Variants in SHANK1 observed in about 807,000 individuals in gnomAD.
The protein encoded by SHANK1 is SH3 and multiple ankyrin repeat domains 1, also known as SH3 and multiple ankyrin repeat domains protein 1.
In SHANK1, 35 loss-of-function variants were observed where a neutral mutation model predicts 165.6. That is an observed-to-expected ratio of 0.21 (90% CI 0.16 to 0.28). The LOEUF (loss-of-function observed/expected upper bound fraction) is 0.28, where lower values mean the gene tolerates loss of function less well. Ranked by LOEUF, SHANK1 falls within the 10% of genes least tolerant of loss-of-function variation. The pLI, the probability that SHANK1 is intolerant of heterozygous loss-of-function variation, is 1.00. For synonymous variants in SHANK1, 1,428 were observed against 1,384.8 expected (o/e 1.03, Z -0.69); for missense variants, 2,681 against 3,036.4 (o/e 0.88, Z 2.75).
At chr19:50,696,742 A>G (rs1239939475) in intron 15 of SHANK1, among the ~76,000 whole-genome samples, 1 of 151,954 alleles carries the variant, frequency 6.6e-6, no homozygotes, top group East Asian at 1.9e-4. Flanking sequence ...ACAGAGAGGG[A>G]CGGATGTGTG....
rs367726388 is a variant in SHANK1 at position 50,681,244 on chromosome 19, C to T, written c.2577+4993G>A. Among the ~76,000 whole-genome samples the T allele has an allele frequency of 2.6e-5, 4 of 152,066 alleles. No individual in the cohort carries two copies. In the East Asian group the frequency reaches 7.7e-4, roughly 29 times the overall value. On this transcript the variant is annotated intron_variant, in intron 21 of 23. Coordinates refer to ENST00000293441, the MANE Select transcript of SHANK1 (RefSeq NM_016148.5). ...AGGTGGGAAGGAGCAGAGAAGGCGG[C>T]AGAGAGAGCCTCCGACATGAGAGGG...
chr19:50,667,298 C>T lies in SHANK1; in HGVS notation c.4662G>A (p.Val1554=). 6.3e-7 allele frequency: 1 copy of T among 1,594,400 alleles called. No homozygotes were observed. The highest frequency in any genetic ancestry group is 8.5e-7 in the Non-Finnish European group (1 of 1,177,070). ...LLVLPPPAPS[V]DVEDGEFLFV... is the part of the protein sequence containing the mutation. ...AAAGGAATTCGCCATCTTCCACATC[C>T]ACCGAGGGGGCGGGAGGCGGCAGGA... Residue 1554 remains valine, a synonymous_variant, in exon 23 of 24, where the codon GTG becomes GTA. Transcript: ENST00000293441. This position sits in a 1 kb window ranked among gnomAD's most constrained non-coding sequence, Gnocchi z 5.7.
In SHANK1 at chr19:50,686,497, G is replaced by C. The variant is rs1241036745; in HGVS notation, c.2459-142C>G. ...AAAGGGCAGCCCTGCCTGGGTCCGG[G>C]TGGACGGGCAGTCCCGCTTGGAGAC... On this transcript the variant is annotated intron_variant, in intron 20 of 23. Coordinates refer to ENST00000293441, the MANE Select transcript of SHANK1 (RefSeq NM_016148.5). This position sits in a 1 kb window ranked among gnomAD's most constrained non-coding sequence, Gnocchi z 5.7. 4.1e-6 allele frequency: 3 copies of C among 740,108 alleles called. No individual in the cohort carries two copies. In the African/African-American group the frequency reaches 5.3e-5, roughly 13 times the overall value. 45.8% of individuals were successfully genotyped at this position (740,108 alleles called of 1,614,324 possible).
intron 21 of SHANK1, among the ~76,000 whole-genome samples, chr19:50,678,247 A>C (rs1243911541): frequency 2.0e-5 from 3 of 152,144 alleles, no homozygotes; most frequent in Non-Finnish European, 2.9e-5. Context: ...CCCTGAGATA[A>C]AATGGGAGGG....
At position 50,686,793 on chromosome 19, in the gene SHANK1, C is replaced by T. The variant is rs148016680; in HGVS notation, c.2409G>A (p.Ala803=). Residue 803 remains alanine, a synonymous_variant, in exon 20 of 24, where the codon GCG becomes GCA. Coordinates refer to ENST00000293441, the MANE Select transcript of SHANK1 (RefSeq NM_016148.5). The surrounding 1 kb of genome is among the most constrained non-coding windows in gnomAD (Gnocchi z 5.7). The part of the protein sequence containing the change: ...LEEMEYEQQP[A]PVPSMEKKRT... ...GCTTTTTCTCCATGCTGGGCACCGGCGCCGGCTGCTGCTCGTACTCTGTGG... is the reference window on the plus strand; with the variant it reads ...GCTTTTTCTCCATGCTGGGCACCGGTGCCGGCTGCTGCTCGTACTCTGTGG... 77 of 1,613,778 alleles carry T rather than the reference C, an allele frequency of 4.8e-5. No homozygotes were observed. The African/African-American group carries it at 8.5e-4, about 18-fold the overall frequency.
At chr19:50,692,489 G>A (rs1411489882) in intron 15 of SHANK1, among the ~76,000 whole-genome samples, 1 of 130,682 alleles carries the variant, frequency 7.7e-6, no homozygotes, top group East Asian at 2.1e-4. Flanking sequence ...ACACACCAGT[G>A]GTGATCTGAG....
chr19:50,679,819 C>T (rs1283280376), intron 21 of SHANK1, among the ~76,000 whole-genome samples: 1 of 148,474 alleles, frequency 6.7e-6, no homozygotes, highest in South Asian at 2.2e-4. Context: ...CAGAGACAGA[C>T]GTAGAGAGAC....
rs1985306838 is a variant in SHANK1 at position 50,662,640 on chromosome 19, G to C, written c.5811C>G (p.Val1937=). 2 of 1,565,126 alleles carry C rather than the reference G, an allele frequency of 1.3e-6. No homozygotes were observed. Residue 1937 remains valine, a synonymous_variant, in exon 24 of 24, where the codon GTC becomes GTG. Coordinates refer to ENST00000293441, the MANE Select transcript of SHANK1 (RefSeq NM_016148.5). The surrounding 1 kb of genome is among the most constrained non-coding windows in gnomAD (Gnocchi z 7.7). The stretch of plus-strand genomic sequence containing the variant: ...TGGGCCAGTTCTGAAACAGGCTGCT[G>C]ACAGGCTTGGAGAGGAGTGAGGACT... ...DSQSSLLSKP[V]SSLFQNWPKP...
At chr19:50,674,095 A>ATTT (rs35496340) in intron 21 of SHANK1, among the ~76,000 whole-genome samples, 2 of 143,772 alleles carry the variant, frequency 1.4e-5, no homozygotes, top group Non-Finnish European at 3.0e-5. Context: ...GTGTTGGCCT[A>ATTT]TTTTTTTTTT....
chr19:50,715,971 C>A (rs377227057), intron 3 of SHANK1, among the ~76,000 whole-genome samples: 3 of 152,252 alleles, frequency 2.0e-5, no homozygotes, highest in East Asian at 3.9e-4. Flanking sequence ...GAGGAGGAGT[C>A]TGGACCCCAC....
At chr19:50,691,867 A>G (rs1196472055) in intron 15 of SHANK1, among the ~76,000 whole-genome samples, 1 of 151,710 alleles carries the variant, frequency 6.6e-6, no homozygotes, top group Non-Finnish European at 1.5e-5. Flanking sequence ...TTTTTTTGGT[A>G]GAGATGGGGG....
rs1376105215 is a variant in SHANK1 at position 50,719,180 on chromosome 19, GC to G, written c.-44+225del. Reference sequence around the variant, plus strand: ...GGGCTCTGCTGGCCGGGGGTGGGGGGCGCGCCCTCCCATCAAGGATGCGATC... The same window carrying G: ...GGGCTCTGCTGGCCGGGGGTGGGGGGGCGCCCTCCCATCAAGGATGCGATC... On this transcript the variant is annotated intron_variant, in intron 1 of 23. Transcript: ENST00000293441. Among the ~76,000 whole-genome samples, 134 of 151,166 alleles carry G rather than the reference GC, an allele frequency of 8.9e-4. 1 individual carries two copies. Among genetic ancestry groups the G allele is most frequent in the Non-Finnish European group, 1.6e-3 (111 of 67,636 alleles).
chr19:50,666,747 C>G lies in SHANK1; in HGVS notation c.5213G>C (p.Gly1738Ala), dbSNP rs1273987625. Reference sequence around the variant, plus strand: ...TGGCGGGCCGGGAGTACTGCTGCCCCCAAAGGCCTGGCCGTCCAGGTAGGC... The same window carrying G: ...TGGCGGGCCGGGAGTACTGCTGCCCGCAAAGGCCTGGCCGTCCAGGTAGGC... ...YVAYLDGQAF[G>A]GSSTPGPPYP... The change falls in exon 23 of 24, where the codon GGG (glycine) becomes GCG (alanine). Residue 1738 changes from glycine (G) to alanine (A), a missense_variant. Coordinates refer to ENST00000293441, the MANE Select transcript of SHANK1 (RefSeq NM_016148.5). The G allele has an allele frequency of 4.5e-6, 7 of 1,562,160 alleles. No homozygotes were observed. The Admixed American group carries it at 5.8e-5, about 13-fold the overall frequency.
In SHANK1 at chr19:50,703,692, G is replaced by C. The variant is rs747222883; in HGVS notation, c.1361C>G (p.Pro454Arg). The C allele has an allele frequency of 2.0e-6, 3 of 1,466,464 alleles. No individual in the cohort carries two copies. Among genetic ancestry groups the C allele is most frequent in the Non-Finnish European group, 1.8e-6 (2 of 1,111,390 alleles). The allele number at this position is 1,466,464 out of a possible 1,614,324, so 90.8% of individuals were successfully genotyped here. A position where few individuals can be genotyped will look rare whatever the true frequency, so the allele number is the denominator to read the frequency against. Residue 454 changes from proline (P) to arginine (R), a missense_variant, in exon 11 of 24, where the codon CCG (proline) becomes CGG (arginine). Physicochemically the swap from Pro to Arg is moderately radical, Grantham distance 103. Transcript: ENST00000293441. ...ALPDWMVFSAPGAASSGAPGP... is the reference protein window; with the variant it reads ...ALPDWMVFSARGAASSGAPGP... Reference sequence around the variant, plus strand: ...AGGGGCCCCAGAGGACGCGGCCCCCGGGGCGGAGAACACCATCCAGTCGGG... The same window carrying C: ...AGGGGCCCCAGAGGACGCGGCCCCCCGGGCGGAGAACACCATCCAGTCGGG...
At position 50,661,552 on chromosome 19, in the gene SHANK1, T is replaced by TA. The variant is rs919587013; in HGVS notation, c.*412dup. Reference sequence around the variant, plus strand: ...GCCTGGAGAGAGTGGGAAGGGTTGTTAGAGGGGTGGCAGGTGGTGGAATCC... The same window carrying TA: ...GCCTGGAGAGAGTGGGAAGGGTTGTTAAGAGGGGTGGCAGGTGGTGGAATCC... On this transcript the variant is annotated 3_prime_UTR_variant, in exon 24 of 24. Transcript: ENST00000293441. 1.9e-4 allele frequency among the ~76,000 whole-genome samples: 29 copies of TA among 151,560 alleles called. No individual in the cohort carries two copies. The highest frequency in any genetic ancestry group is 5.2e-4 in the Admixed American group (8 of 15,248).
chr19:50,706,969 G>C (rs544584476), intron 8 of SHANK1, among the ~76,000 whole-genome samples: 3 of 152,034 alleles, frequency 2.0e-5, no homozygotes, highest in Admixed American at 6.5e-5. Context: ...GTAGAGACAG[G>C]GTTTCCCCAT....
Position 50,690,509 on chromosome 19 carries a change from C to G in SHANK1, c.1965-1230G>C, listed in dbSNP as rs34739481. Among the ~76,000 whole-genome samples, 3 of 152,132 alleles carry G rather than the reference C, an allele frequency of 2.0e-5. No homozygotes were observed. The highest frequency in any genetic ancestry group is 4.4e-5 in the Non-Finnish European group (3 of 68,024). ...TCACTGGAACGCGTGCTCTGCTGTG[C>G]TGAGCTTCCTTCAGCACTGTCTAAA... On this transcript the variant is annotated intron_variant, in intron 15 of 23. Transcript: ENST00000293441. This position sits in a 1 kb window ranked among gnomAD's most constrained non-coding sequence, Gnocchi z 4.9.
chr19:50,662,855 G>T lies in SHANK1; in HGVS notation c.5769-173C>A, dbSNP rs575415276. On this transcript the variant is annotated intron_variant, in intron 23 of 23. Coordinates refer to ENST00000293441, the MANE Select transcript of SHANK1 (RefSeq NM_016148.5). The surrounding 1 kb of genome is among the most constrained non-coding windows in gnomAD (Gnocchi z 7.7). ...GAGGGAGCAAGGGGTAAGACGGCCG[G>T]CCGTCGAGGAAAGAAATGAAGGGAG... Among the ~76,000 whole-genome samples, 1 of 151,938 alleles carries T rather than the reference G, an allele frequency of 6.6e-6. No individual in the cohort carries two copies. Among genetic ancestry groups the T allele is most frequent in the Non-Finnish European group, 1.5e-5 (1 of 67,966 alleles).
chr19:50,717,591 G>A lies in SHANK1; in HGVS notation c.-43-629C>T, dbSNP rs1364908185. ...GGGAGCAAGGGGCACTGAGATGGGG[G>A]TGTCATGGGCAGAGCATTTGGCCTA... is the stretch of plus-strand genomic sequence containing the variant. On this transcript the variant is annotated intron_variant, in intron 1 of 23. Coordinates refer to ENST00000293441, the MANE Select transcript of SHANK1 (RefSeq NM_016148.5). The surrounding 1 kb of genome is among the most constrained non-coding windows in gnomAD (Gnocchi z 5.5). 6.6e-6 allele frequency among the ~76,000 whole-genome samples: 1 copy of A among 152,210 alleles called. No homozygotes were observed. Among genetic ancestry groups the A allele is most frequent in the Non-Finnish European group, 1.5e-5 (1 of 68,044 alleles).
Sources: allele counts gnomAD v4.1 joint callset (sites outside exome capture counted in the v4.1 genomes callset), GRCh38; gene constraint gnomAD v4.1.1; non-coding constraint Gnocchi (gnomAD v3.1); transcripts MANE v1.5; gene names NCBI Gene and HGNC (gene_info 2026-07-23, HGNC 2026-07-21).